The following ZMAT4 variants were observed in gnomAD, a reference collection of about 807,000 sequenced individuals.
The protein encoded by ZMAT4 is zinc finger matrin-type 4.
In ZMAT4, 17 loss-of-function variants were observed where a neutral mutation model predicts 28.7. That is an observed-to-expected ratio of 0.59 (90% CI 0.41 to 0.89). ZMAT4 has a LOEUF of 0.89. Ranked by LOEUF, ZMAT4 falls within the 40% of genes least tolerant of loss-of-function variation. The pLI, the probability that ZMAT4 is intolerant of heterozygous loss-of-function variation, is 0.00. For synonymous variants in ZMAT4, 117 were observed against 109.2 expected (o/e 1.07, Z -0.44); for missense variants, 240 against 283.8 (o/e 0.85, Z 1.11).
At chr8:40,626,718 T>A (rs899617821) in intron 5 of ZMAT4, among the ~76,000 whole-genome samples, 1 of 152,148 alleles carries the variant, frequency 6.6e-6, no homozygotes, top group Non-Finnish European at 1.5e-5. Flanking sequence ...CAAATAAAAA[T>A]GTCCATGGAT....
chr8:40,658,162 T>C (rs1808012996), intron 5 of ZMAT4, among the ~76,000 whole-genome samples: 1 of 152,174 alleles, frequency 6.6e-6, no homozygotes, highest in African/African-American at 2.4e-5. Flanking sequence ...TGAGTATACT[T>C]TCCTTTATAT....
intron 1 of ZMAT4, among the ~76,000 whole-genome samples, chr8:40,831,252 G>C (rs541315258): frequency 6.6e-6 from 1 of 152,108 alleles, no homozygotes; most frequent in African/African-American, 2.4e-5. Flanking sequence ...TGAAGACCCC[G>C]TACTGCATAA....
chr8:40,580,683 T>C (rs1311338076), intron 6 of ZMAT4, among the ~76,000 whole-genome samples: 1 of 152,148 alleles, frequency 6.6e-6, no homozygotes, highest in East Asian at 1.9e-4. Flanking sequence ...TCCATTCACT[T>C]GGAAATAGTG....
At chr8:40,867,248 G>A (rs1817705462) in intron 1 of ZMAT4, among the ~76,000 whole-genome samples, 1 of 152,146 alleles carries the variant, frequency 6.6e-6, no homozygotes, top group African/African-American at 2.4e-5. Flanking sequence ...GGTAGCTGAT[G>A]AGCTAAAAGA....
intron 5 of ZMAT4, among the ~76,000 whole-genome samples, chr8:40,650,969 C>T (rs1316616639): frequency 2.0e-5 from 3 of 149,496 alleles, no homozygotes; most frequent in East Asian, 2.0e-4. Flanking sequence ...CAGCCAATAT[C>T]ATACTGAATG....
At chr8:40,596,376 G>C (rs532590444) in intron 5 of ZMAT4, among the ~76,000 whole-genome samples, 23 of 152,168 alleles carry the variant, frequency 1.5e-4, no homozygotes, top group African/African-American at 5.3e-4. Context: ...TTTATTTTTT[G>C]ACTCTTTTGT....
intron 2 of ZMAT4, among the ~76,000 whole-genome samples, chr8:40,782,740 A>T (rs540421426): frequency 5.4e-4 from 82 of 152,290 alleles, no homozygotes; most frequent in African/African-American, 1.9e-3. Flanking sequence ...GTGAGGCTTG[A>T]GGGGAGGTAT....
chr8:40,768,026 CAAAT>C (rs1813235172), intron 2 of ZMAT4, among the ~76,000 whole-genome samples: 1 of 152,102 alleles, frequency 6.6e-6, no homozygotes, highest in South Asian at 2.1e-4. Context: ...AAAATAAAAA[CAAAT>C]AAGCAAAGGA....
At chr8:40,646,484 TTAA>T (rs1807322185) in intron 5 of ZMAT4, among the ~76,000 whole-genome samples, 1 of 152,126 alleles carries the variant, frequency 6.6e-6, no homozygotes, top group Non-Finnish European at 1.5e-5. Context: ...GTCAATTTTA[TTAA>T]TATTTAATCA....
intron 1 of ZMAT4, among the ~76,000 whole-genome samples, chr8:40,845,596 G>A (rs1563522938): frequency 6.6e-6 from 1 of 151,844 alleles, no homozygotes; most frequent in Non-Finnish European, 1.5e-5. Flanking sequence ...TCTAACTACA[G>A]GCAAGACAGG....
chr8:40,833,039 C>G (rs1452267794), intron 1 of ZMAT4, among the ~76,000 whole-genome samples: 1 of 152,168 alleles, frequency 6.6e-6, no homozygotes, highest in Non-Finnish European at 1.5e-5. Flanking sequence ...ACTCTTTGCT[C>G]TCTAGGCTGT....
chr8:40,767,790 ACC>A, intron 2 of ZMAT4, 60 bp from the exon 3 acceptor site: 2 of 1,427,644 alleles, frequency 1.4e-6, no homozygotes, highest in Non-Finnish European at 1.9e-6. Flanking sequence ...ACCCTTTGAA[ACC>A]TAGCCAGTGC....
chr8:40,618,789 C>T (rs1477288499), intron 5 of ZMAT4, among the ~76,000 whole-genome samples: 5 of 152,196 alleles, frequency 3.3e-5, no homozygotes, highest in African/African-American at 9.6e-5. Flanking sequence ...GTTTCCTGCC[C>T]AACCCTCTCC....
At chr8:40,558,621 A>G (rs1803625359) in intron 6 of ZMAT4, among the ~76,000 whole-genome samples, 1 of 152,102 alleles carries the variant, frequency 6.6e-6, no homozygotes, top group Admixed American at 6.5e-5. Flanking sequence ...AGAAGGAGGT[A>G]GAAGATCATT....
At chr8:40,750,412 G>A (rs1415708112) in intron 3 of ZMAT4, among the ~76,000 whole-genome samples, 1 of 152,124 alleles carries the variant, frequency 6.6e-6, no homozygotes, top group African/African-American at 2.4e-5. Flanking sequence ...AGAGCCATAT[G>A]AGAGTGAAGA....
chr8:40,710,919 T>A (rs1443838323), intron 3 of ZMAT4, among the ~76,000 whole-genome samples: 1 of 152,102 alleles, frequency 6.6e-6, no homozygotes, highest in Non-Finnish European at 1.5e-5. Flanking sequence ...TAGCTGGGAC[T>A]ACAGGCACGT....
intron 5 of ZMAT4, among the ~76,000 whole-genome samples, chr8:40,662,803 G>GTGTC (rs972770154): frequency 6.6e-6 from 1 of 152,072 alleles, no homozygotes; most frequent in Admixed American, 6.5e-5. Context: ...CCTTGTCAAG[G>GTGTC]TGTCTTTGAG....
intron 1 of ZMAT4, among the ~76,000 whole-genome samples, chr8:40,859,640 C>G (rs1185620141): frequency 6.6e-6 from 1 of 152,202 alleles, no homozygotes; most frequent in African/African-American, 2.4e-5. Flanking sequence ...CTATACATGT[C>G]CCATCAAATG....
Position 40,609,548 on chromosome 8 carries a change from A to G in ZMAT4, c.578-28287T>C, listed in dbSNP as rs529678767. Among the ~76,000 whole-genome samples the G allele has an allele frequency of 4.3e-4, 66 of 152,284 alleles. 1 individual carries two copies. The South Asian group carries it at 0.012, about 28-fold the overall frequency. On this transcript the variant is annotated intron_variant, in intron 5 of 6. Transcript: ENST00000297737. ...CTCCATTTTCTCCCTTTCAATAAGA[A>G]TTTACTTGTCAAACCCACAGTTAGG...
Sources: allele counts gnomAD v4.1 joint callset (sites outside exome capture counted in the v4.1 genomes callset), GRCh38; gene constraint gnomAD v4.1.1; transcripts MANE v1.5; gene names NCBI Gene and HGNC (gene_info 2026-07-23, HGNC 2026-07-21).